The following SLC6A6 variants were observed in gnomAD, a reference collection of about 807,000 sequenced individuals.
SLC6A6 encodes solute carrier family 6 member 6, also known as sodium- and chloride-dependent taurine transporter.
Under a neutral mutation model 68.8 loss-of-function variants are expected in SLC6A6, and 16 were observed. The observed-to-expected ratio is 0.23, with a 90% CI of 0.16 to 0.35. The LOEUF (loss-of-function observed/expected upper bound fraction) is 0.35. Ranked by LOEUF, SLC6A6 falls within the 10% of genes least tolerant of loss-of-function variation. The pLI, the probability that SLC6A6 is intolerant of heterozygous loss-of-function variation, is 1.00. For synonymous variants in SLC6A6, 312 were observed against 315.4 expected (o/e 0.99, Z 0.12); for missense variants, 474 against 802.8 (o/e 0.59, Z 4.95).
chr3:14,460,115 G>A (rs1421697360), intron 6 of SLC6A6, among the ~76,000 whole-genome samples: 1 of 151,964 alleles, frequency 6.6e-6, no homozygotes, highest in Non-Finnish European at 1.5e-5. Context: ...GTGGAGCACT[G>A]GTCCTGAGCA....
At chr3:14,443,087 GT>G (rs1700029620) in intron 2 of SLC6A6, among the ~76,000 whole-genome samples, 1 of 152,068 alleles carries the variant, frequency 6.6e-6, no homozygotes, top group Non-Finnish European at 1.5e-5. Context: ...CCGTCTATCT[GT>G]TTTTTTAACT....
chr3:14,470,174 G>T (rs1700719390), intron 9 of SLC6A6, among the ~76,000 whole-genome samples: 1 of 152,170 alleles, frequency 6.6e-6, no homozygotes, highest in African/African-American at 2.4e-5. Context: ...TTCCTCCATG[G>T]ACAACGAAGT....
At chr3:14,474,785 CTTCCTCCTGTTGGAAGT>C (rs2124991019) in intron 10 of SLC6A6, among the ~76,000 whole-genome samples, 1 of 152,304 alleles carries the variant, frequency 6.6e-6, no homozygotes, top group South Asian at 2.1e-4. Context: ...CCCAAAATAA[CTTCCTCCTGTTGGAAGT>C]ATGGAGATCT....
intron 6 of SLC6A6, among the ~76,000 whole-genome samples, chr3:14,463,169 G>A (rs937808612): frequency 6.6e-6 from 1 of 152,178 alleles, no homozygotes; most frequent in African/African-American, 2.4e-5. Context: ...AAGGTGTGGG[G>A]ACCTGACACC....
At chr3:14,455,507 C>T (rs2124963414) in intron 5 of SLC6A6, among the ~76,000 whole-genome samples, 1 of 152,338 alleles carries the variant, frequency 6.6e-6, no homozygotes, top group South Asian at 2.1e-4. Flanking sequence ...TTGGGATGTC[C>T]AGGGTCTGGT....
chr3:14,442,482 G>A (rs1009084764), intron 2 of SLC6A6, among the ~76,000 whole-genome samples: 1 of 152,240 alleles, frequency 6.6e-6, no homozygotes, highest in African/African-American at 2.4e-5. Flanking sequence ...GCCTTGAGCT[G>A]TTTCCTCACG....
Position 14,466,593 on chromosome 3 carries a change from G to GGGCGCA in SLC6A6, c.814_819dup (p.Ala272_Gly273dup), listed in dbSNP as rs768116017. The GGGCGCA allele has an allele frequency of 1.2e-6, 2 of 1,612,840 alleles. No individual in the cohort carries two copies. The highest frequency in any genetic ancestry group is 1.7e-6 in the Non-Finnish European group (2 of 1,179,254). On this transcript the variant is annotated inframe_insertion, in exon 7 of 15. Transcript: ENST00000622186. ...TCCGAGGGCTGACGCTGCCGGGCGC[G>GGGCGCA]GGCGCAGGCATCAAGTTCTATCTGT...
intron 6 of SLC6A6, among the ~76,000 whole-genome samples, chr3:14,464,978 C>G (rs527660321): frequency 6.6e-6 from 1 of 152,152 alleles, no homozygotes; most frequent in Non-Finnish European, 1.5e-5. Flanking sequence ...TCCTGGATTC[C>G]GTTGATGCCC....
chr3:14,467,250 T>TC, intron 7 of SLC6A6, among the ~76,000 whole-genome samples: 1 of 152,030 alleles, frequency 6.6e-6, no homozygotes, highest in East Asian at 1.9e-4. Context: ...CCACCACCCT[T>TC]CCCCCTGGAC....
intron 2 of SLC6A6, among the ~76,000 whole-genome samples, chr3:14,431,339 C>A (rs1233199913): frequency 2.0e-5 from 3 of 152,204 alleles, no homozygotes; most frequent in Non-Finnish European, 2.9e-5. Context: ...AACATTCCAT[C>A]TGAAAAATCC....
At chr3:14,475,901 C>T (rs997240462) in intron 10 of SLC6A6, among the ~76,000 whole-genome samples, 1 of 152,218 alleles carries the variant, frequency 6.6e-6, no homozygotes, top group Non-Finnish European at 1.5e-5. Context: ...GTGGCAGTCT[C>T]ATCTCTCCAG....
At chr3:14,471,130 CTTTTTTTTTTT>C (rs754511089) in intron 9 of SLC6A6, among the ~76,000 whole-genome samples, 1 of 83,124 alleles carries the variant, frequency 1.2e-5, no homozygotes, top group East Asian at 3.4e-4. Flanking sequence ...TGCTTCTTGA[CTTTTTTTTTTT>C]TTTTTTTTTT....
chr3:14,403,292 T>G (rs1699031026), intron 1 of SLC6A6, among the ~76,000 whole-genome samples: 1 of 152,162 alleles, frequency 6.6e-6, no homozygotes, highest in Non-Finnish European at 1.5e-5. Context: ...TGTGCCTCTC[T>G]GTGTGTGATA....
rs1701209168 is a variant in SLC6A6 at position 14,487,699 on chromosome 3, C to G, written c.*2692C>G. ...CTGACGGTCAGGGAGAGAAGGGCCTCCAGGGTCCCCTAACCCAACGCCCTT... is the reference window on the plus strand; with the variant it reads ...CTGACGGTCAGGGAGAGAAGGGCCTGCAGGGTCCCCTAACCCAACGCCCTT... On this transcript the variant is annotated 3_prime_UTR_variant, in exon 15 of 15. Coordinates refer to ENST00000622186, the MANE Select transcript of SLC6A6 (RefSeq NM_003043.6). 6.6e-6 allele frequency: 1 copy of G among 152,174 alleles called. No individual in the cohort carries two copies. The highest frequency in any genetic ancestry group is 2.1e-4 in the South Asian group (1 of 4,832). The allele number at this position is 152,174 out of a possible 1,614,324, so 9.4% of individuals were successfully genotyped here. A position where few individuals can be genotyped will look rare whatever the true frequency, so the allele number is the denominator to read the frequency against.
intron 5 of SLC6A6, among the ~76,000 whole-genome samples, chr3:14,457,539 G>A (rs565147097): frequency 6.6e-6 from 1 of 152,334 alleles, no homozygotes; most frequent in Non-Finnish European, 1.5e-5. Context: ...GGGAAAGTTG[G>A]CTAACTTCGT....
chr3:14,405,187 A>C (rs934094356), intron 1 of SLC6A6, among the ~76,000 whole-genome samples: 6 of 152,188 alleles, frequency 3.9e-5, no homozygotes, highest in African/African-American at 1.2e-4. Flanking sequence ...TTAGGGCAGG[A>C]AAGTGAGCCT....
rs565522374 is a variant in SLC6A6 at position 14,433,875 on chromosome 3, C to T, written c.-11-9749C>T. Among the ~76,000 whole-genome samples, 17 of 151,694 alleles carry T rather than the reference C, an allele frequency of 1.1e-4. 1 individual carries two copies. The South Asian group carries it at 3.1e-3, about 28-fold the overall frequency. On this transcript the variant is annotated intron_variant, in intron 2 of 14. Coordinates refer to ENST00000622186, the MANE Select transcript of SLC6A6 (RefSeq NM_003043.6). Reference sequence around the variant, plus strand: ...AAACCCAACATGGGCCCTTAAGTTCCCTTTCAGAGTAGAAGGGAAGGGTTG... The same window carrying T: ...AAACCCAACATGGGCCCTTAAGTTCTCTTTCAGAGTAGAAGGGAAGGGTTG...
At chr3:14,405,638 C>A (rs142640181) in intron 1 of SLC6A6, among the ~76,000 whole-genome samples, 407 of 152,328 alleles carry the variant, frequency 2.7e-3, no homozygotes, top group African/African-American at 9.2e-3. Context: ...GGGGCTGCAT[C>A]TCATTTTCCT....
intron 2 of SLC6A6, among the ~76,000 whole-genome samples, chr3:14,431,325 C>T (rs1699719679): frequency 6.6e-6 from 1 of 152,166 alleles, no homozygotes. Context: ...AGCCCTAAGC[C>T]CTAAACATTC....
Sources: allele counts gnomAD v4.1 joint callset (sites outside exome capture counted in the v4.1 genomes callset), GRCh38; gene constraint gnomAD v4.1.1; transcripts MANE v1.5; gene names NCBI Gene and HGNC (gene_info 2026-07-23, HGNC 2026-07-21).